The following DCDC2 variants were observed in gnomAD, a reference collection of about 807,000 sequenced individuals.
DCDC2 encodes doublecortin domain containing 2.
A neutral mutation model predicts 50.2 loss-of-function variants in DCDC2; 40 were observed. That is an observed-to-expected ratio of 0.80 (90% CI 0.62 to 1.04). DCDC2 has a LOEUF of 1.04. DCDC2 is among the 50% of genes least tolerant of loss of function. The pLI, the probability that DCDC2 is intolerant of heterozygous loss-of-function variation, is 0.00. For missense variants in DCDC2, 570 were observed against 581.9 expected, an observed-to-expected ratio of 0.98 and a Z score of 0.21; for synonymous variants, 234 against 210.6, an observed-to-expected ratio of 1.11 and a Z score of -0.96.
At chr6:24,378,781 GA>G in the DCDC2 span, among the ~76,000 whole-genome samples, 1 of 151,996 alleles carries the variant, frequency 6.6e-6, no homozygotes, top group Non-Finnish European at 1.5e-5. Context: ...CACTGAGGCA[GA>G]AATCATTTTA....
At chr6:24,353,393 T>C in intron 2 of DCDC2, 176 bp downstream of exon 2, 1 of 651,336 alleles carries the variant, frequency 1.5e-6, no homozygotes, top group South Asian at 1.6e-5. Context: ...CTCAGTCTTT[T>C]CATTTCTGAC....
intron 6 of DCDC2, among the ~76,000 whole-genome samples, chr6:24,281,987 G>C (rs1763484233): frequency 6.6e-6 from 1 of 152,070 alleles, no homozygotes; most frequent in Admixed American, 6.6e-5. Flanking sequence ...CTATTACATA[G>C]TATGGTTCCC....
chr6:24,207,232 T>C (rs1342300083), intron 7 of DCDC2, among the ~76,000 whole-genome samples: 1 of 141,088 alleles, frequency 7.1e-6, no homozygotes, highest in Non-Finnish European at 1.6e-5. Flanking sequence ...AATTCTTTCC[T>C]TCCCTCCCTC....
intron 7 of DCDC2, among the ~76,000 whole-genome samples, chr6:24,276,610 T>C (rs1460469382): frequency 2.0e-5 from 3 of 152,126 alleles, no homozygotes; most frequent in Non-Finnish European, 4.4e-5. Context: ...CCTCACAATC[T>C]AGTATCTATT....
At chr6:24,197,076 T>C (rs1761459560) in intron 8 of DCDC2, among the ~76,000 whole-genome samples, 1 of 152,192 alleles carries the variant, frequency 6.6e-6, no homozygotes, top group African/African-American at 2.4e-5. Flanking sequence ...AAAGTACCTT[T>C]GGTTACCTGG....
At chr6:24,281,939 A>G (rs895212409) in intron 6 of DCDC2, among the ~76,000 whole-genome samples, 3 of 152,216 alleles carry the variant, frequency 2.0e-5, no homozygotes, top group African/African-American at 7.2e-5. Context: ...TTTTTCTACT[A>G]CACTGAAACT....
intron 7 of DCDC2, among the ~76,000 whole-genome samples, chr6:24,248,845 TA>T (rs1484566451): frequency 6.6e-6 from 1 of 152,212 alleles, no homozygotes; most frequent in Non-Finnish European, 1.5e-5. Context: ...AGGGAATCAC[TA>T]ATAAGATGTT....
rs543303607 is a variant in DCDC2 at position 24,172,164 on chromosome 6, C to G, written c.*2566G>C. The stretch of plus-strand genomic sequence containing the variant: ...TTCAGCATTTATGTTAAAGTCATCT[C>G]TGAAGTGACATCCACAATTTTAATT... On this transcript the variant is annotated 3_prime_UTR_variant, in exon 10 of 10. Coordinates refer to ENST00000378454, the MANE Select transcript of DCDC2 (RefSeq NM_016356.5). The G allele has an allele frequency of 2.0e-5, 3 of 152,194 alleles. No individual in the cohort carries two copies. Among genetic ancestry groups the G allele is most frequent in the Admixed American group, 6.5e-5 (1 of 15,286 alleles). The allele number at this position is 152,194 out of a possible 1,614,324, so 9.4% of individuals were successfully genotyped here.
intron 7 of DCDC2, among the ~76,000 whole-genome samples, chr6:24,257,635 G>C (rs775446784): frequency 1.3e-5 from 2 of 151,724 alleles, no homozygotes; most frequent in African/African-American, 2.4e-5. Flanking sequence ...AAAGACACGC[G>C]ATCGAGAAAC....
intron 2 of DCDC2, among the ~76,000 whole-genome samples, chr6:24,305,994 C>A (rs1759466550): frequency 6.6e-6 from 1 of 151,660 alleles, no homozygotes; most frequent in African/African-American, 2.4e-5. Context: ...CACCACTGCA[C>A]TTCAGCCTGG....
At chr6:24,326,357 C>T (rs1759864131) in intron 2 of DCDC2, among the ~76,000 whole-genome samples, 1 of 148,374 alleles carries the variant, frequency 6.7e-6, no homozygotes, top group Admixed American at 6.7e-5. Context: ...ATAGAAGGAC[C>T]CCCCCATGCC....
At chr6:24,297,596 A>T (rs1461508369) in intron 4 of DCDC2, among the ~76,000 whole-genome samples, 1 of 152,168 alleles carries the variant, frequency 6.6e-6, no homozygotes, top group African/African-American at 2.4e-5. Context: ...TATATGTATG[A>T]ATAGGTATAT....
intron 8 of DCDC2, among the ~76,000 whole-genome samples, chr6:24,181,149 G>A (rs1295642271): frequency 6.6e-6 from 1 of 152,148 alleles, no homozygotes; most frequent in African/African-American, 2.4e-5. Context: ...TGTCGTCAGG[G>A]TGGGTCCCTC....
At chr6:24,358,915 T>TATATTATATATATA (rs1561788529), upstream of DCDC2, among the ~76,000 whole-genome samples, 2 of 15,460 alleles carry the variant, frequency 1.3e-4, no homozygotes, top group Non-Finnish European at 1.8e-4. Flanking sequence ...TTATATATTA[T>TATATTATATATATA]ATATATTATA....
intron 8 of DCDC2, among the ~76,000 whole-genome samples, chr6:24,187,344 T>C (rs1761227742): frequency 1.3e-5 from 2 of 152,120 alleles, no homozygotes; most frequent in Admixed American, 6.5e-5. Flanking sequence ...CTATTACTCA[T>C]GCTGTTCCTT....
At chr6:24,211,770 G>A (rs986948152) in intron 7 of DCDC2, among the ~76,000 whole-genome samples, 1 of 152,212 alleles carries the variant, frequency 6.6e-6, no homozygotes, top group African/African-American at 2.4e-5. Flanking sequence ...CAGACCTGAT[G>A]ACAGCTTGGT....
At chr6:24,199,677 GA>G (rs1281481216) in intron 8 of DCDC2, among the ~76,000 whole-genome samples, 34 of 152,154 alleles carry the variant, frequency 2.2e-4, no homozygotes, top group Non-Finnish European at 4.9e-4. Context: ...TGAATTGACA[GA>G]AGCAGGCTTC....
At position 24,357,753 on chromosome 6, in the gene DCDC2, T is replaced by C; in HGVS notation, c.-3A>G. ...GACCTGGCGCTGCTGCCGCTCATCTTCCCCGCTGGCCGCCGCCTCAGCTCG... is the reference window on the plus strand; with the variant it reads ...GACCTGGCGCTGCTGCCGCTCATCTCCCCCGCTGGCCGCCGCCTCAGCTCG... On this transcript the variant is annotated 5_prime_UTR_variant, in exon 1 of 10. Coordinates refer to ENST00000378454, the MANE Select transcript of DCDC2 (RefSeq NM_016356.5). 6.2e-7 allele frequency: 1 copy of C among 1,612,224 alleles called. No individual in the cohort carries two copies.
chr6:24,329,196 C>T (rs774664663), intron 2 of DCDC2, among the ~76,000 whole-genome samples: 5 of 152,098 alleles, frequency 3.3e-5, no homozygotes, highest in Admixed American at 6.6e-5. Context: ...GCTAAAGAAG[C>T]TTAATCACCC....
Sources: allele counts gnomAD v4.1 joint callset (sites outside exome capture counted in the v4.1 genomes callset), GRCh38; gene constraint gnomAD v4.1.1; transcripts MANE v1.5; gene names NCBI Gene and HGNC (gene_info 2026-07-23, HGNC 2026-07-21).